ADAM18: variants seen among roughly 807,000 people sequenced by gnomAD.
The protein encoded by ADAM18 is disintegrin and metalloproteinase domain-containing protein 18.
ADAM18 carries 117 observed loss-of-function variants against 94.4 expected under a neutral mutation model. The observed-to-expected ratio is 1.24, with a 90% confidence interval of 1.07 to 1.45. The LOEUF is 1.45. ADAM18 is among the 40% of genes most tolerant of loss of function. The pLI is 0.00. For synonymous variants in ADAM18, 327 were observed against 291.6 expected (o/e 1.12, Z -1.24); for missense variants, 936 against 880.0 (o/e 1.06, Z -0.81).
chr8:39,701,878 A>G (rs1822088611), intron 17 of ADAM18, among the ~76,000 whole-genome samples: 2 of 152,032 alleles, frequency 1.3e-5, no homozygotes. Flanking sequence ...TTTGTTTATT[A>G]AGTCTATCCT....
intron 13 of ADAM18, among the ~76,000 whole-genome samples, chr8:39,666,309 G>A (rs955392038): frequency 1.2e-4 from 19 of 152,064 alleles, no homozygotes; most frequent in African/African-American, 4.1e-4. Context: ...CAAAATGCTG[G>A]GATTACAGAT....
chr8:39,585,760 G>A (rs1008651926), intron 2 of ADAM18, among the ~76,000 whole-genome samples: 6 of 151,992 alleles, frequency 3.9e-5, no homozygotes, highest in Non-Finnish European at 7.4e-5. Flanking sequence ...TTAATAGCAC[G>A]TAATGTACAA....
At chr8:39,654,326 TC>T (rs1272537798) in intron 12 of ADAM18, among the ~76,000 whole-genome samples, 1 of 151,386 alleles carries the variant, frequency 6.6e-6, no homozygotes, top group Non-Finnish European at 1.5e-5. Flanking sequence ...CGCCTTGGCC[TC>T]CCAAAGTGCT....
At chr8:39,646,374 AAAAACAATT>A (rs552991903) in intron 11 of ADAM18, among the ~76,000 whole-genome samples, 7 of 152,300 alleles carry the variant, frequency 4.6e-5, no homozygotes, top group Non-Finnish European at 8.8e-5. Flanking sequence ...AAACATAATT[AAAAACAATT>A]AAAACAATTA....
intron 11 of ADAM18, among the ~76,000 whole-genome samples, chr8:39,647,727 T>C (rs1283125004): frequency 6.6e-6 from 1 of 152,198 alleles, no homozygotes; most frequent in African/African-American, 2.4e-5. Flanking sequence ...GTCTAGAGAA[T>C]GGCGATGACT....
At chr8:39,669,281 T>G (rs1821083740) in intron 14 of ADAM18, among the ~76,000 whole-genome samples, 1 of 151,256 alleles carries the variant, frequency 6.6e-6, no homozygotes, top group South Asian at 2.1e-4. Flanking sequence ...TTTTGTTTTT[T>G]TTAAATTTTA....
chr8:39,661,476 T>C (rs1195348641), intron 12 of ADAM18, among the ~76,000 whole-genome samples: 1 of 151,836 alleles, frequency 6.6e-6, no homozygotes, highest in Non-Finnish European at 1.5e-5. Flanking sequence ...TCCCAGCCTC[T>C]CTTTTCTATA....
At chr8:39,729,847 A>T in intron 19 of ADAM18, 51 bp from the exon 20 acceptor site, 1 of 1,475,276 alleles carries the variant, frequency 6.8e-7, no homozygotes, top group Non-Finnish European at 9.5e-7. Context: ...GCAATTGGCT[A>T]CTACTAAACA....
intron 6 of ADAM18, among the ~76,000 whole-genome samples, chr8:39,627,315 G>C (rs573952978): frequency 1.2e-4 from 18 of 152,190 alleles, no homozygotes; most frequent in African/African-American, 4.3e-4. Flanking sequence ...GCTTGGGCAA[G>C]GGAACTCCCG....
At chr8:39,660,914 T>C (rs1216503269) in intron 12 of ADAM18, among the ~76,000 whole-genome samples, 3 of 152,194 alleles carry the variant, frequency 2.0e-5, no homozygotes, top group African/African-American at 7.2e-5. Flanking sequence ...GACCTGCTTC[T>C]AAGGTTGGCC....
Position 39,668,032 on chromosome 8 carries a change from T to C in ADAM18, c.1361T>C (p.Ile454Thr). 6.2e-7 allele frequency: 1 copy of C among 1,614,088 alleles called. No individual in the cohort carries two copies. The highest frequency in any genetic ancestry group is 8.5e-7 in the Non-Finnish European group (1 of 1,179,978). The change falls in exon 14 of 20, where the codon ATT becomes ACT. Residue 454 changes from isoleucine to threonine, a missense_variant. Physicochemically the swap from Ile to Thr is moderately conservative, Grantham distance 89. Coordinates refer to ENST00000265707, the MANE Select transcript of ADAM18 (RefSeq NM_014237.3). The stretch of plus-strand genomic sequence containing the variant: ...GCAGGCACTCCATGTAGAAAGAGTA[T>C]TGATCCAGAGTGTGATTTTACAGAG... ...SIAGTPCRKS[I>T]DPECDFTEYC...
At chr8:39,660,753 C>T (rs1258665702) in intron 12 of ADAM18, among the ~76,000 whole-genome samples, 3 of 152,072 alleles carry the variant, frequency 2.0e-5, no homozygotes, top group African/African-American at 7.2e-5. Context: ...CATTCCAGTC[C>T]TGTAATTAGG....
intron 10 of ADAM18, among the ~76,000 whole-genome samples, chr8:39,643,476 T>C (rs1443512291): frequency 2.6e-5 from 4 of 152,134 alleles, no homozygotes; most frequent in African/African-American, 7.2e-5. Flanking sequence ...TATATTACTT[T>C]GGGTTTTGAT....
At chr8:39,608,806 A>T (rs1420702811) in intron 3 of ADAM18, among the ~76,000 whole-genome samples, 1 of 152,118 alleles carries the variant, frequency 6.6e-6, no homozygotes, top group Admixed American at 6.6e-5. Context: ...ACACAGCTAT[A>T]CATACATATG....
intron 6 of ADAM18, among the ~76,000 whole-genome samples, chr8:39,628,340 T>C (rs1819830804): frequency 6.6e-6 from 1 of 152,018 alleles, no homozygotes; most frequent in South Asian, 2.1e-4. Context: ...TATAGATGGA[T>C]AGATAAATAA....
intron 17 of ADAM18, among the ~76,000 whole-genome samples, chr8:39,696,698 G>A (rs894628720): frequency 7.9e-5 from 12 of 151,440 alleles, no homozygotes; most frequent in Non-Finnish European, 1.3e-4. Context: ...GTTAATTTCT[G>A]GGCTCTCTAT....
intron 16 of ADAM18, among the ~76,000 whole-genome samples, chr8:39,683,146 G>A (rs1467486686): frequency 6.6e-6 from 1 of 152,178 alleles, no homozygotes; most frequent in Non-Finnish European, 1.5e-5. Flanking sequence ...TTACTTGGAT[G>A]AAATAAGCTA....
At chr8:39,710,838 C>A (rs1370345161) in intron 18 of ADAM18, among the ~76,000 whole-genome samples, 3 of 152,080 alleles carry the variant, frequency 2.0e-5, no homozygotes, top group African/African-American at 7.2e-5. Context: ...AGGAATTTAA[C>A]AAGGAAATTC....
intron 6 of ADAM18, among the ~76,000 whole-genome samples, chr8:39,617,721 G>A (rs1046673128): frequency 6.6e-6 from 1 of 152,138 alleles, no homozygotes; most frequent in East Asian, 1.9e-4. Flanking sequence ...ATTATTCTAA[G>A]CAAAGTAATG....
Sources: gnomAD v4.1 joint callset for allele counts (sites outside exome capture counted in the v4.1 genomes callset) on GRCh38, gnomAD v4.1.1 for gene constraint, MANE v1.5 for transcripts, NCBI Gene and HGNC (gene_info 2026-07-23, HGNC 2026-07-21) for gene names.